RAD51AP1: variants seen among roughly 807,000 people sequenced by gnomAD.
The protein encoded by RAD51AP1 is RAD51-associated protein 1.
RAD51AP1 carries 14 observed loss-of-function variants against 34.3 expected under a neutral mutation model. That is an observed-to-expected ratio of 0.41 (90% CI 0.27 to 0.64). RAD51AP1 has a LOEUF of 0.64. RAD51AP1 is among the 30% of genes least tolerant of loss of function. RAD51AP1 has a pLI of 0.33. For missense variants in RAD51AP1, 348 were observed against 386.9 expected (o/e 0.90, Z 0.84); for synonymous variants, 114 against 129.8 (o/e 0.88, Z 0.83).
At chr12:4,546,805 G>T (rs1221343035) in intron 4 of RAD51AP1, among the ~76,000 whole-genome samples, 1 of 152,066 alleles carries the variant, frequency 6.6e-6, no homozygotes. Flanking sequence ...ACTTACAAAG[G>T]TCAAAGGTAT....
At chr12:4,547,545 A>G (rs577903022) in intron 4 of RAD51AP1, among the ~76,000 whole-genome samples, 1 of 152,330 alleles carries the variant, frequency 6.6e-6, no homozygotes, top group Admixed American at 6.5e-5. Context: ...TTAATATTAT[A>G]CCATTTCTTA....
At chr12:4,543,947 T>C in intron 3 of RAD51AP1, 43 bp downstream of exon 3, 1 of 1,501,992 alleles carries the variant, frequency 6.7e-7, no homozygotes, top group Non-Finnish European at 9.0e-7. Context: ...ATTAGATGTG[T>C]TAATTTTAAA....
At position 4,539,615 on chromosome 12, in the gene RAD51AP1, A is replaced by G. The variant is rs542869993; in HGVS notation, c.17+659A>G. 4.6e-5 allele frequency among the ~76,000 whole-genome samples: 7 copies of G among 152,330 alleles called. No individual in the cohort carries two copies. In the South Asian group the frequency reaches 1.2e-3, roughly 27 times the overall value. ...ATATGAGAGTGCGAAAGAGGAAAGC[A>G]CTACTTTAAATATAGTAGTTAATAT... On this transcript the variant is annotated intron_variant, in intron 1 of 8. Coordinates refer to ENST00000352618, the MANE Select transcript of RAD51AP1 (RefSeq NM_006479.5).
chr12:4,544,497 G>A (rs993754782), intron 3 of RAD51AP1, among the ~76,000 whole-genome samples: 3 of 152,232 alleles, frequency 2.0e-5, no homozygotes, highest in South Asian at 4.1e-4. Context: ...AATGGAACAT[G>A]GCATATATAA....
chr12:4,545,132 T>TA (rs1002430039), intron 3 of RAD51AP1: 341 of 398,160 alleles, frequency 8.6e-4, no homozygotes, highest in East Asian at 7.1e-3. Flanking sequence ...TCATAATAGC[T>TA]AAAAAAAAAT....
At chr12:4,542,376 T>A (rs551037587) in intron 2 of RAD51AP1, among the ~76,000 whole-genome samples, 1 of 152,374 alleles carries the variant, frequency 6.6e-6, no homozygotes, top group East Asian at 1.9e-4. Context: ...CTGCTATGAT[T>A]GAAAAGTTTG....
intron 3 of RAD51AP1, among the ~76,000 whole-genome samples, chr12:4,544,168 G>GA (rs201602490): frequency 0.14 from 21,369 of 152,156 alleles, 1,923 homozygotes; most frequent in Middle Eastern, 0.21. Flanking sequence ...ACAGGACCCA[G>GA]CACTTATCTC....
At chr12:4,550,127 T>C (rs765100510) in intron 6 of RAD51AP1, among the ~76,000 whole-genome samples, 77 of 152,194 alleles carry the variant, frequency 5.1e-4, no homozygotes, top group Non-Finnish European at 2.6e-4. Context: ...CTTCCAGATT[T>C]TCCTCTATGG....
intron 1 of RAD51AP1, among the ~76,000 whole-genome samples, chr12:4,541,652 C>T (rs574752114): frequency 6.6e-6 from 1 of 152,078 alleles, no homozygotes; most frequent in Admixed American, 6.5e-5. Context: ...GATAAATCCC[C>T]GCGGTAAAAT....
rs1944519171 is a variant in RAD51AP1, at chr12:4,548,092, G to A, written c.320G>A (p.Ser107Asn). 6.3e-7 allele frequency: 1 copy of A among 1,592,932 alleles called. No homozygotes were observed. The highest frequency in any genetic ancestry group is 1.8e-5 in the Admixed American group (1 of 54,972). ...TTNVQNSQDK[S>N]IEKHGSSKIE... Reference sequence around the variant, plus strand: ...TTTCTTTCTTATTCCTTATATTTAGGCATTGAAAAACATGGCAGTAGTAAA... The same window carrying A: ...TTTCTTTCTTATTCCTTATATTTAGACATTGAAAAACATGGCAGTAGTAAA... The change falls in exon 5 of 9, where the codon AGC (serine) becomes AAC (asparagine). Residue 107 changes from serine (S) to asparagine (N), a missense_variant and splice_region_variant. Transcript: ENST00000352618.
intron 7 of RAD51AP1, among the ~76,000 whole-genome samples, chr12:4,555,483 G>T (rs1347324612): frequency 6.6e-6 from 1 of 152,056 alleles, no homozygotes; most frequent in Non-Finnish European, 1.5e-5. Context: ...AATCACTCCT[G>T]AGAAAAATAT....
chr12:4,558,977 A>G lies in RAD51AP1; in HGVS notation c.992A>G (p.Asn331Ser). 6.2e-7 allele frequency: 1 copy of G among 1,614,098 alleles called. No individual in the cohort carries two copies. The highest frequency in any genetic ancestry group is 1.1e-5 in the South Asian group (1 of 91,078). ...GCACGAGTTAAACCTTTGCATCCAA[A>G]TGCCACTAGCACCTGAGTGTGGTAC... The part of the protein sequence containing the change: ...RLARVKPLHP[N>S]ATST Residue 331 changes from asparagine (N) to serine (S), a missense_variant, in exon 9 of 9, where the codon AAT becomes AGT. Asn to Ser is a conservative substitution (Grantham distance 46). Transcript: ENST00000352618.
At chr12:4,541,812 A>G (rs1449940589) in intron 1 of RAD51AP1, 72 bp from the exon 2 acceptor site, 6 of 605,860 alleles carry the variant, frequency 9.9e-6, no homozygotes, top group Non-Finnish European at 1.6e-5. Context: ...AATAATATTC[A>G]TTAATAGCCT....
intron 6 of RAD51AP1, among the ~76,000 whole-genome samples, chr12:4,552,235 A>G (rs536053600): frequency 5.3e-5 from 8 of 152,302 alleles, no homozygotes; most frequent in Admixed American, 2.6e-4. Flanking sequence ...TTTATCTACA[A>G]GGCATGGTTT....
chr12:4,538,977 G>C (rs1266263944), intron 1 of RAD51AP1, 21 bp downstream of exon 1: 1 of 1,610,496 alleles, frequency 6.2e-7, no homozygotes, highest in African/African-American at 1.3e-5. Context: ...CCTGACATTC[G>C]TCGGGGGTGG....
At chr12:4,548,877 C>T (rs1309512699) in intron 6 of RAD51AP1, 41 bp downstream of exon 6, 14 of 1,595,282 alleles carry the variant, frequency 8.8e-6, no homozygotes, top group Middle Eastern at 3.7e-4. Flanking sequence ...TATGGGAATT[C>T]AGTCAAAAAA....
At chr12:4,539,067 A>G (rs1944430737) in intron 1 of RAD51AP1, 111 bp downstream of exon 1, 1 of 1,211,598 alleles carries the variant, frequency 8.3e-7, no homozygotes, top group Non-Finnish European at 1.2e-6. Flanking sequence ...TGGGGTTAGG[A>G]TGGACGGTTA....
At chr12:4,558,710 C>T (rs1944599559) in intron 8 of RAD51AP1, 147 bp from the exon 9 acceptor site, 2 of 938,248 alleles carry the variant, frequency 2.1e-6, no homozygotes, top group African/African-American at 3.4e-5. Flanking sequence ...TTAGAACATT[C>T]TGTTCTTTTG....
At chr12:4,545,751 T>G in intron 3 of RAD51AP1, 1 of 1,611,076 alleles carries the variant, frequency 6.2e-7, no homozygotes, top group Non-Finnish European at 8.5e-7. Context: ...TTAGCATGTC[T>G]TGTTTCCCCA....
Sources: gnomAD v4.1 joint callset for allele counts (sites outside exome capture counted in the v4.1 genomes callset) on GRCh38, gnomAD v4.1.1 for gene constraint, MANE v1.5 for transcripts, NCBI Gene and HGNC (gene_info 2026-07-23, HGNC 2026-07-21) for gene names.